MINDY3: variants seen among roughly 807,000 people sequenced by gnomAD.
MINDY3 encodes the protein ubiquitin carboxyl-terminal hydrolase MINDY-3.
Under a neutral mutation model 69.2 loss-of-function variants are expected in MINDY3, and 38 were observed. The observed-to-expected ratio is 0.55, with a 90% CI of 0.42 to 0.72. The LOEUF is 0.72. Ranked by LOEUF, MINDY3 falls within the 30% of genes least tolerant of loss-of-function variation. The pLI, the probability that MINDY3 is intolerant of heterozygous loss-of-function variation, is 0.00. For missense variants in MINDY3, 522 were observed against 519.0 expected, an observed-to-expected ratio of 1.01 and a Z score of -0.06; for synonymous variants, 192 against 180.1, an observed-to-expected ratio of 1.07 and a Z score of -0.53.
At chr10:15,857,820 A>C (rs1033037811) in intron 1 of MINDY3, 1 of 464,214 alleles carries the variant, frequency 2.2e-6, no homozygotes, top group Non-Finnish European at 2.8e-6. Flanking sequence ...ATATCAAAAG[A>C]ATTTAACTTG....
At chr10:15,849,446 GTTTT>G (rs201568467) in intron 1 of MINDY3, among the ~76,000 whole-genome samples, 1 of 142,908 alleles carries the variant, frequency 7.0e-6, no homozygotes, top group Non-Finnish European at 1.5e-5. Flanking sequence ...CATCTTACTG[GTTTT>G]TTTTTTTTTT....
intron 11 of MINDY3, among the ~76,000 whole-genome samples, chr10:15,789,845 T>TA (rs971529099): frequency 1.1e-3 from 168 of 151,894 alleles, no homozygotes; most frequent in African/African-American, 3.8e-3. Context: ...GCTGTAGGTT[T>TA]AAAAAAAACA....
chr10:15,830,877 C>G (rs1398936002), intron 8 of MINDY3, among the ~76,000 whole-genome samples: 1 of 152,142 alleles, frequency 6.6e-6, no homozygotes, highest in Non-Finnish European at 1.5e-5. Context: ...AGGTTTGTGG[C>G]CTGGTCGTTA....
At chr10:15,808,056 A>G (rs1011963801) in intron 10 of MINDY3, among the ~76,000 whole-genome samples, 1 of 152,182 alleles carries the variant, frequency 6.6e-6, no homozygotes, top group African/African-American at 2.4e-5. Flanking sequence ...TTTGTGATTA[A>G]AAATTTACAT....
chr10:15,859,896 G>A (rs1475173429), intron 1 of MINDY3, among the ~76,000 whole-genome samples: 3 of 152,170 alleles, frequency 2.0e-5, no homozygotes, highest in Non-Finnish European at 4.4e-5. Flanking sequence ...CCGGGGCACG[G>A]GGCGCATCTT....
intron 10 of MINDY3, among the ~76,000 whole-genome samples, chr10:15,802,199 ACC>A (rs773426467): frequency 2.0e-5 from 3 of 151,984 alleles, no homozygotes; most frequent in African/African-American, 4.8e-5. Flanking sequence ...GGGGGTTAGC[ACC>A]CCAACTCCCA....
At chr10:15,785,596 C>T (rs933676112) in intron 13 of MINDY3, among the ~76,000 whole-genome samples, 7 of 152,020 alleles carry the variant, frequency 4.6e-5, no homozygotes, top group Admixed American at 1.3e-4. Context: ...GGTCTAATGT[C>T]GGACAATAAA....
At chr10:15,839,592 A>C (rs1268799490) in intron 4 of MINDY3, among the ~76,000 whole-genome samples, 1 of 151,700 alleles carries the variant, frequency 6.6e-6, no homozygotes, top group African/African-American at 2.4e-5. Context: ...TTTAGAGAAA[A>C]GAGGCAAGCA....
At chr10:15,830,224 T>A (rs535797706) in intron 8 of MINDY3, among the ~76,000 whole-genome samples, 6 of 152,284 alleles carry the variant, frequency 3.9e-5, no homozygotes, top group African/African-American at 1.4e-4. Flanking sequence ...CCCAGTTAAT[T>A]GTGATGTGCA....
intron 10 of MINDY3, 87 bp downstream of exon 10, chr10:15,816,748 T>C (rs1839397648): frequency 3.3e-6 from 3 of 919,626 alleles, no homozygotes; most frequent in South Asian, 2.9e-5. Context: ...AGACTGAAGT[T>C]TGCACAAAGA....
At chr10:15,809,098 G>A (rs955754599) in intron 10 of MINDY3, among the ~76,000 whole-genome samples, 6 of 152,056 alleles carry the variant, frequency 3.9e-5, no homozygotes, top group South Asian at 2.1e-4. Flanking sequence ...TTCCCAATTC[G>A]AGGGAAATTA....
chr10:15,792,550 A>G lies in MINDY3; in HGVS notation c.956-3231T>C, dbSNP rs1837499841. 2.0e-5 allele frequency among the ~76,000 whole-genome samples: 3 copies of G among 152,086 alleles called. No homozygotes were observed. The South Asian group carries it at 6.2e-4, about 31-fold the overall frequency. On this transcript the variant is annotated intron_variant, in intron 11 of 14. Coordinates refer to ENST00000277632, the MANE Select transcript of MINDY3 (RefSeq NM_024948.4). ...GGAGGAGCATTTATTTAAAAGGAAC[A>G]GAAAAGACAAGGCAATTCTAGAGAA...
intron 10 of MINDY3, among the ~76,000 whole-genome samples, chr10:15,815,422 C>T (rs578238142): frequency 9.9e-5 from 15 of 152,264 alleles, no homozygotes; most frequent in South Asian, 4.1e-4. Flanking sequence ...ATTACATTCA[C>T]GAAACTTAGC....
chr10:15,817,466 AAC>A (rs1839452632), intron 9 of MINDY3: 1 of 152,328 alleles, frequency 6.6e-6, no homozygotes, highest in South Asian at 2.1e-4. Context: ...TCACAGTATG[AAC>A]AGTCTCTTTA....
intron 8 of MINDY3, among the ~76,000 whole-genome samples, chr10:15,832,316 A>G (rs1056822278): frequency 1.3e-5 from 2 of 152,244 alleles, no homozygotes; most frequent in Non-Finnish European, 2.9e-5. Flanking sequence ...ATCATATGAG[A>G]TAAGATACCT....
intron 2 of MINDY3, among the ~76,000 whole-genome samples, 190 bp from the exon 3 acceptor site, chr10:15,843,462 T>C (rs1833622426): frequency 6.6e-6 from 1 of 152,062 alleles, no homozygotes. Flanking sequence ...AGTATACTGC[T>C]ATAAACTTGA....
chr10:15,860,118 C>G (rs1210878214), intron 1 of MINDY3, 88 bp downstream of exon 1: 9 of 983,034 alleles, frequency 9.2e-6, no homozygotes, highest in Non-Finnish European at 1.4e-5. Context: ...GCGGGGCACG[C>G]GAGGGGCTGG....
At chr10:15,842,128 A>C (rs1833510967) in intron 3 of MINDY3, among the ~76,000 whole-genome samples, 1 of 151,856 alleles carries the variant, frequency 6.6e-6, no homozygotes, top group Non-Finnish European at 1.5e-5. Context: ...TACAGATTTG[A>C]GCATTAGAAT....
rs138719519 is a variant in MINDY3, at chr10:15,805,200, G to A, written c.883-9028C>T. ...CAAGCTTTTCTTGAAGTTAGACGAC[G>A]TTCTTGGAGGTTCTTTGATTATTCA... On this transcript the variant is annotated intron_variant, in intron 10 of 14. Transcript: ENST00000277632. Among the ~76,000 whole-genome samples, 176 of 152,198 alleles carry A rather than the reference G, an allele frequency of 1.2e-3. 1 individual carries two copies. Among genetic ancestry groups the A allele is most frequent in the African/African-American group, 3.9e-3 (161 of 41,542 alleles).
Sources: allele counts gnomAD v4.1 joint callset (sites outside exome capture counted in the v4.1 genomes callset), GRCh38; gene constraint gnomAD v4.1.1; transcripts MANE v1.5; gene names NCBI Gene and HGNC (gene_info 2026-07-23, HGNC 2026-07-21).